The following SLC25A13 variants were observed in gnomAD, a reference collection of about 807,000 sequenced individuals.
SLC25A13 encodes the protein electrogenic aspartate/glutamate antiporter SLC25A13, mitochondrial.
Under a neutral mutation model 85.5 loss-of-function variants are expected in SLC25A13, and 70 were observed. That is an observed-to-expected ratio of 0.82 (90% CI 0.68 to 1.00). The LOEUF (loss-of-function observed/expected upper bound fraction) is 1.00. Among genes scored for constraint, SLC25A13 ranks in the 50% least tolerant of loss-of-function variants. The pLI is 0.00. For synonymous variants in SLC25A13, 259 were observed against 288.7 expected, an observed-to-expected ratio of 0.90 and a Z score of 1.04; for missense variants, 765 against 819.8, an observed-to-expected ratio of 0.93 and a Z score of 0.82.
intron 11 of SLC25A13, among the ~76,000 whole-genome samples, chr7:96,181,298 C>T (rs752762694): frequency 6.6e-6 from 1 of 152,210 alleles, no homozygotes; most frequent in Non-Finnish European, 1.5e-5. Context: ...CCTCTCATGA[C>T]TCTCTGAGGT....
chr7:96,216,334 G>A (rs997518675), intron 4 of SLC25A13, among the ~76,000 whole-genome samples: 1 of 152,120 alleles, frequency 6.6e-6, no homozygotes, highest in Admixed American at 6.5e-5. Context: ...GTGGAATACA[G>A]TGTGGCAATT....
At chr7:96,144,884 A>T (rs1792715391) in intron 14 of SLC25A13, among the ~76,000 whole-genome samples, 2 of 152,204 alleles carry the variant, frequency 1.3e-5, no homozygotes, top group South Asian at 4.1e-4. Flanking sequence ...AATAACAGTC[A>T]CTGCCACAGT....
intron 2 of SLC25A13, among the ~76,000 whole-genome samples, chr7:96,293,548 T>C (rs1395127600): frequency 6.6e-6 from 1 of 151,928 alleles, no homozygotes; most frequent in Non-Finnish European, 1.5e-5. Context: ...AGGGCTAATA[T>C]CCAGAATCTA....
intron 3 of SLC25A13, among the ~76,000 whole-genome samples, chr7:96,249,645 A>T (rs1005943394): frequency 2.0e-5 from 3 of 152,178 alleles, no homozygotes; most frequent in Non-Finnish European, 4.4e-5. Flanking sequence ...AGGTCTCCTA[A>T]CAATTTCAAG....
At chr7:96,146,247 C>T (rs1476258044) in intron 14 of SLC25A13, among the ~76,000 whole-genome samples, 2 of 152,060 alleles carry the variant, frequency 1.3e-5, no homozygotes, top group East Asian at 3.9e-4. Flanking sequence ...CTGAACTCAG[C>T]GTATCAATAA....
intron 3 of SLC25A13, 99 bp downstream of exon 3, chr7:96,277,097 G>A (rs1200135552): frequency 3.3e-6 from 4 of 1,199,456 alleles, no homozygotes; most frequent in Non-Finnish European, 4.6e-6. Flanking sequence ...GGTCCTAAGA[G>A]ATGGGAAGGT....
intron 13 of SLC25A13, among the ~76,000 whole-genome samples, chr7:96,164,711 TACACACACACACACAC>T (rs56377235): frequency 7.0e-6 from 1 of 143,040 alleles, no homozygotes; most frequent in Non-Finnish European, 1.5e-5. Context: ...GGATTAACTT[TACACACACACACACAC>T]ACACACACAC....
intron 3 of SLC25A13, among the ~76,000 whole-genome samples, 200 bp downstream of exon 3, chr7:96,276,996 T>A (rs1798476781): frequency 6.6e-6 from 1 of 152,160 alleles, no homozygotes; most frequent in African/African-American, 2.4e-5. Flanking sequence ...GTCAAATATA[T>A]ACATATTGAA....
intron 4 of SLC25A13, among the ~76,000 whole-genome samples, chr7:96,213,480 C>T (rs1364386146): frequency 6.6e-6 from 1 of 152,192 alleles, no homozygotes; most frequent in Non-Finnish European, 1.5e-5. Context: ...TACTCTGGCT[C>T]CCACATGGGC....
Position 96,121,166 on chromosome 7 carries a change from C to T in SLC25A13, c.*25G>A. On this transcript the variant is annotated 3_prime_UTR_variant, in exon 18 of 18. Transcript: ENST00000265631. ...CTTTACTGCAGTACCCACAAAAAGA[C>T]AGCACTATCCCAGGGCTGATCTTCC... 6.2e-7 allele frequency: 1 copy of T among 1,612,990 alleles called. No individual in the cohort carries two copies. Among genetic ancestry groups the T allele is most frequent in the Non-Finnish European group, 8.5e-7 (1 of 1,178,950 alleles).
intron 3 of SLC25A13, among the ~76,000 whole-genome samples, chr7:96,257,948 C>T (rs1250012418): frequency 6.6e-6 from 1 of 152,184 alleles, no homozygotes; most frequent in East Asian, 1.9e-4. Context: ...ATCACATAAA[C>T]AGAACCAATG....
At chr7:96,132,503 CG>C (rs2116429235) in intron 14 of SLC25A13, among the ~76,000 whole-genome samples, 1 of 152,192 alleles carries the variant, frequency 6.6e-6, no homozygotes, top group Non-Finnish European at 1.5e-5. Context: ...CACAATAATT[CG>C]GATACATTTT....
intron 14 of SLC25A13, 146 bp from the exon 15 acceptor site, chr7:96,132,027 A>T (rs1458625109): frequency 1.5e-5 from 16 of 1,060,488 alleles, no homozygotes; most frequent in Non-Finnish European, 2.1e-5. Context: ...AGAAAAAAAT[A>T]ACCCAAATTC....
chr7:96,166,183 A>G (rs1793733678), intron 13 of SLC25A13, among the ~76,000 whole-genome samples: 5 of 152,348 alleles, frequency 3.3e-5, no homozygotes, highest in Admixed American at 2.6e-4. Context: ...AAATGAATAT[A>G]AACTTCTATA....
chr7:96,288,121 C>G (rs1798960283), intron 2 of SLC25A13, among the ~76,000 whole-genome samples: 1 of 152,158 alleles, frequency 6.6e-6, no homozygotes, highest in Non-Finnish European at 1.5e-5. Context: ...GAATCCTTTT[C>G]CAACTTAGAA....
chr7:96,283,193 T>G (rs1215189480), intron 2 of SLC25A13, among the ~76,000 whole-genome samples: 1 of 152,186 alleles, frequency 6.6e-6, no homozygotes, highest in East Asian at 1.9e-4. Context: ...GCTGTCATGA[T>G]AGTAAAGCAC....
chr7:96,157,480 G>A (rs1793328108), intron 13 of SLC25A13, among the ~76,000 whole-genome samples: 1 of 152,158 alleles, frequency 6.6e-6, no homozygotes, highest in African/African-American at 2.4e-5. Context: ...TTGGCACAGG[G>A]AAGTGATATA....
chr7:96,164,521 T>C (rs1292198703), intron 13 of SLC25A13, among the ~76,000 whole-genome samples: 1 of 152,180 alleles, frequency 6.6e-6, no homozygotes, highest in Non-Finnish European at 1.5e-5. Flanking sequence ...ATCTAAATTT[T>C]ATAGACAAGA....
intron 1 of SLC25A13, among the ~76,000 whole-genome samples, chr7:96,311,141 C>G (rs1368550407): frequency 3.3e-5 from 5 of 152,092 alleles, no homozygotes; most frequent in Non-Finnish European, 7.4e-5. Flanking sequence ...TCACTTTTAA[C>G]TCAATGTACC....
Sources: allele counts gnomAD v4.1 joint callset (sites outside exome capture counted in the v4.1 genomes callset), GRCh38; gene constraint gnomAD v4.1.1; transcripts MANE v1.5; gene names NCBI Gene and HGNC (gene_info 2026-07-23, HGNC 2026-07-21).